KITLG: variants seen among roughly 807,000 people sequenced by gnomAD.
KITLG encodes KIT ligand.
In KITLG, 13 loss-of-function variants were observed where a neutral mutation model predicts 34.1. That is an observed-to-expected ratio of 0.38 (90% CI 0.25 to 0.61). The LOEUF is 0.61. Ranked by LOEUF, KITLG falls within the 20% of genes least tolerant of loss-of-function variation. The pLI is 0.60. For synonymous variants in KITLG, 110 were observed against 104.0 expected (o/e 1.06, Z -0.35); for missense variants, 292 against 318.9 (o/e 0.92, Z 0.64).
In KITLG at chr12:88,545,830, G is replaced by A. The variant is rs1870701497; in HGVS notation, c.51C>T (p.Leu17=). 4 of 1,612,440 alleles carry A rather than the reference G, an allele frequency of 2.5e-6. No individual in the cohort carries two copies. Among genetic ancestry groups the A allele is most frequent in the East Asian group, 2.2e-5 (1 of 44,862 alleles). ...WILTCIYLQL[L]LFNPLVKTEG... ...CAGTTTTGACGAGAGGATTAAATAGGAGCAGCTGAAGATAAATGCAAGTGA... is the reference window on the plus strand; with the variant it reads ...CAGTTTTGACGAGAGGATTAAATAGAAGCAGCTGAAGATAAATGCAAGTGA... The change falls in exon 2 of 10, where the codon CTC becomes CTT. Residue 17 remains leucine (L), a synonymous_variant. Transcript: ENST00000644744.
At chr12:88,554,897 A>C (rs1391967709) in intron 1 of KITLG, among the ~76,000 whole-genome samples, 1 of 152,198 alleles carries the variant, frequency 6.6e-6, no homozygotes, top group Non-Finnish European at 1.5e-5. Context: ...AACTACTATC[A>C]ATAAAACAGA....
intron 2 of KITLG, among the ~76,000 whole-genome samples, chr12:88,537,310 A>AATC (rs1335502138): frequency 6.6e-6 from 1 of 152,072 alleles, no homozygotes; most frequent in African/African-American, 2.4e-5. Flanking sequence ...AAAACAATAA[A>AATC]ATCATGTCTT....
intron 1 of KITLG, chr12:88,546,182 TA>T (rs2120913600): frequency 2.4e-6 from 1 of 409,108 alleles, no homozygotes; most frequent in East Asian, 6.0e-5. Context: ...GGGTATCTTC[TA>T]AAAACTAGAG....
chr12:88,567,855 T>A (rs529635160), intron 1 of KITLG, among the ~76,000 whole-genome samples: 1 of 152,162 alleles, frequency 6.6e-6, no homozygotes, highest in South Asian at 2.1e-4. Context: ...CAGAATGTTA[T>A]CCGAAGAATC....
At chr12:88,563,527 T>C (rs1871355360) in intron 1 of KITLG, among the ~76,000 whole-genome samples, 2 of 152,332 alleles carry the variant, frequency 1.3e-5, no homozygotes, top group South Asian at 4.1e-4. Context: ...ATAGGCTGCA[T>C]CATCACATTT....
intron 1 of KITLG, among the ~76,000 whole-genome samples, chr12:88,559,882 A>G (rs4590952): frequency 0.67 from 101,407 of 152,092 alleles, 37,110 homozygotes; most frequent in Middle Eastern, 0.87. Context: ...CCTGAGACAC[A>G]TTTCTCTGGT....
intron 9 of KITLG, among the ~76,000 whole-genome samples, chr12:88,499,222 A>C (rs776627711): frequency 6.6e-6 from 1 of 152,172 alleles, no homozygotes; most frequent in Non-Finnish European, 1.5e-5. Flanking sequence ...CTGCTTTACA[A>C]TGTATCTACA....
chr12:88,574,562 C>T (rs1364180900), intron 1 of KITLG, among the ~76,000 whole-genome samples: 1 of 152,170 alleles, frequency 6.6e-6, no homozygotes. Flanking sequence ...TTCAGAGATA[C>T]TAAGACTGGG....
At chr12:88,578,299 G>T (rs2120999160) in intron 1 of KITLG, among the ~76,000 whole-genome samples, 1 of 152,226 alleles carries the variant, frequency 6.6e-6, no homozygotes, top group Middle Eastern at 3.4e-3. Flanking sequence ...GGCAATGAAT[G>T]CCTTCATTCA....
At chr12:88,524,348 T>C (rs927072150) in intron 3 of KITLG, among the ~76,000 whole-genome samples, 8 of 152,212 alleles carry the variant, frequency 5.3e-5, no homozygotes, top group African/African-American at 1.9e-4. Context: ...GAAATGTGAC[T>C]ATCTTCTCAA....
chr12:88,563,243 C>G (rs1399324851), intron 1 of KITLG, among the ~76,000 whole-genome samples: 1 of 152,154 alleles, frequency 6.6e-6, no homozygotes, highest in Non-Finnish European at 1.5e-5. Context: ...ATGGGTTAAG[C>G]TTTTAAATGC....
At chr12:88,564,000 A>G (rs1389656167) in intron 1 of KITLG, among the ~76,000 whole-genome samples, 1 of 152,144 alleles carries the variant, frequency 6.6e-6, no homozygotes, top group Non-Finnish European at 1.5e-5. Flanking sequence ...AGGACACAGT[A>G]AGGAAGGAGA....
rs1868478339 is a variant in KITLG, at chr12:88,493,298, T to C, written c.*3921A>G. Reference sequence around the variant, plus strand: ...TAAGGATGTAGTTGGAGATGGCAGTTATAAATAAATTTACAATGCTTAGTA... The same window carrying C: ...TAAGGATGTAGTTGGAGATGGCAGTCATAAATAAATTTACAATGCTTAGTA... On this transcript the variant is annotated 3_prime_UTR_variant, in exon 10 of 10. Coordinates refer to ENST00000644744, the MANE Select transcript of KITLG (RefSeq NM_000899.5). 6.6e-6 allele frequency: 1 copy of C among 152,360 alleles called. No homozygotes were observed. The highest frequency in any genetic ancestry group is 2.1e-4 in the South Asian group (1 of 4,836). The allele number at this position is 152,360 out of a possible 1,614,324, so 9.4% of individuals were successfully genotyped here.
intron 1 of KITLG, among the ~76,000 whole-genome samples, chr12:88,546,781 A>G (rs560916646): frequency 6.6e-6 from 1 of 152,236 alleles, no homozygotes; most frequent in Non-Finnish European, 1.5e-5. Flanking sequence ...ATGCAACAGG[A>G]ACAACGCCAG....
intron 1 of KITLG, among the ~76,000 whole-genome samples, chr12:88,555,534 A>G (rs927424407): frequency 6.6e-6 from 1 of 152,238 alleles, no homozygotes; most frequent in African/African-American, 2.4e-5. Flanking sequence ...TTAATGAACT[A>G]CTAAATTTTA....
intron 6 of KITLG, among the ~76,000 whole-genome samples, chr12:88,514,862 G>GT (rs1311997163): frequency 6.6e-6 from 1 of 151,574 alleles, no homozygotes; most frequent in African/African-American, 2.4e-5. Context: ...TCACAAGATG[G>GT]TTTTTATTCT....
Position 88,507,289 on chromosome 12 carries a change from C to T in KITLG, c.605-152G>A, listed in dbSNP as rs1031645284. The T allele has an allele frequency of 6.7e-5, 41 of 614,980 alleles. No homozygotes were observed. In the African/African-American group the frequency reaches 7.4e-4, roughly 11 times the overall value. The allele number at this position is 614,980 out of a possible 1,614,324, so 38.1% of individuals were successfully genotyped here. ...AGATTGATTTTTCTGCTGAATATTGCTTTTGCAAGGCAATATAAATCCATG... is the reference window on the plus strand; with the variant it reads ...AGATTGATTTTTCTGCTGAATATTGTTTTTGCAAGGCAATATAAATCCATG... On this transcript the variant is annotated intron_variant, in intron 6 of 9. Transcript: ENST00000644744.
intron 3 of KITLG, among the ~76,000 whole-genome samples, chr12:88,530,793 G>A (rs1342514039): frequency 1.3e-5 from 2 of 152,106 alleles, no homozygotes; most frequent in African/African-American, 4.8e-5. Flanking sequence ...AAAACTTTAG[G>A]TAGTTCATGC....
At chr12:88,519,170 A>T (rs1423579038) in intron 3 of KITLG, among the ~76,000 whole-genome samples, 2 of 152,070 alleles carry the variant, frequency 1.3e-5, no homozygotes, top group African/African-American at 4.8e-5. Flanking sequence ...CCAGATTTTT[A>T]AAATTAATAT....
Sources: gnomAD v4.1 joint callset for allele counts (sites outside exome capture counted in the v4.1 genomes callset) on GRCh38, gnomAD v4.1.1 for gene constraint, MANE v1.5 for transcripts, NCBI Gene and HGNC (gene_info 2026-07-23, HGNC 2026-07-21) for gene names.